The following GALNT18 variants were observed in gnomAD, a reference collection of about 807,000 sequenced individuals.
The protein encoded by GALNT18 is GalNAc-transferase 18.
A neutral mutation model predicts 69.5 loss-of-function variants in GALNT18; 44 were observed. That is an observed-to-expected ratio of 0.63 (90% CI 0.50 to 0.81). GALNT18 has a LOEUF of 0.81. Ranked by LOEUF, GALNT18 falls within the 40% of genes least tolerant of loss-of-function variation. The pLI is 0.00. For missense variants in GALNT18, 715 were observed against 810.0 expected (o/e 0.88, Z 1.42); for synonymous variants, 364 against 318.2 (o/e 1.14, Z -1.53).
chr11:11,288,638 G>A (rs11021755), intron 10 of GALNT18, among the ~76,000 whole-genome samples: 5,309 of 152,228 alleles, frequency 0.035, 321 homozygotes, highest in East Asian at 0.2. Context: ...GTTCATCATT[G>A]GAAAATTGCT....
intron 1 of GALNT18, among the ~76,000 whole-genome samples, chr11:11,537,661 C>T (rs1244078421): frequency 1.3e-5 from 2 of 152,166 alleles, no homozygotes; most frequent in African/African-American, 2.4e-5. Flanking sequence ...TCCCAAAACC[C>T]AGTCCTTGGA....
intron 1 of GALNT18, among the ~76,000 whole-genome samples, chr11:11,539,240 C>G (rs1399770190): frequency 6.6e-6 from 1 of 152,194 alleles, no homozygotes; most frequent in Non-Finnish European, 1.5e-5. Flanking sequence ...GCACCCACAC[C>G]TCTGCTGCCC....
intron 1 of GALNT18, among the ~76,000 whole-genome samples, chr11:11,483,143 G>A (rs1406934077): frequency 6.7e-6 from 1 of 149,998 alleles, no homozygotes; most frequent in Non-Finnish European, 1.5e-5. Context: ...GATGCCCACT[G>A]CTGTGCCTAA....
At chr11:11,349,293 G>A (rs1368379621) in intron 6 of GALNT18, among the ~76,000 whole-genome samples, 2 of 152,146 alleles carry the variant, frequency 1.3e-5, no homozygotes, top group African/African-American at 2.4e-5. Flanking sequence ...AGAGTGGGCA[G>A]GCCTCCATGT....
In GALNT18 at chr11:11,586,925, G is replaced by T. The variant is rs1329024255; in HGVS notation, c.235+34434C>A. On this transcript the variant is annotated intron_variant, in intron 1 of 10. Transcript: ENST00000227756. The surrounding 1 kb of genome is among the most constrained non-coding windows in gnomAD (Gnocchi z 4.1). ...ATCACTTGAACCCAGGAGGCGGAGG[G>T]TGCAGTGAGCCGAGATCGTGTCAAA... Among the ~76,000 whole-genome samples the T allele has an allele frequency of 1.3e-5, 2 of 152,038 alleles. No individual in the cohort carries two copies. Among genetic ancestry groups the T allele is most frequent in the Non-Finnish European group, 2.9e-5 (2 of 68,004 alleles).
At chr11:11,487,379 C>A (rs758744603) in intron 1 of GALNT18, among the ~76,000 whole-genome samples, 27 of 151,922 alleles carry the variant, frequency 1.8e-4, no homozygotes, top group Non-Finnish European at 3.5e-4. Context: ...CTCATGTAAC[C>A]AAATACCACC....
intron 2 of GALNT18, among the ~76,000 whole-genome samples, chr11:11,437,727 G>A (rs1293386163): frequency 1.5e-5 from 2 of 129,366 alleles, no homozygotes; most frequent in Non-Finnish European, 3.2e-5. Flanking sequence ...GTCTATCAGA[G>A]TGAATTGTTC....
intron 10 of GALNT18, among the ~76,000 whole-genome samples, chr11:11,291,979 G>A (rs2096688943): frequency 6.6e-6 from 1 of 152,122 alleles, no homozygotes; most frequent in Non-Finnish European, 1.5e-5. Flanking sequence ...TGCCAGGATT[G>A]GAATCAAGGT....
At chr11:11,371,060 C>T (rs965464939) in intron 6 of GALNT18, among the ~76,000 whole-genome samples, 23 of 152,302 alleles carry the variant, frequency 1.5e-4, no homozygotes, top group East Asian at 1.2e-3. Flanking sequence ...AATAAGCCCA[C>T]GCATTTTGAC....
intron 3 of GALNT18, among the ~76,000 whole-genome samples, chr11:11,403,857 A>C (rs1854524477): frequency 6.6e-6 from 1 of 152,212 alleles, no homozygotes; most frequent in South Asian, 2.1e-4. Context: ...GCTGCAGAAG[A>C]GGGTGAGGTT....
chr11:11,615,655 CT>C (rs1011471352), intron 1 of GALNT18, among the ~76,000 whole-genome samples: 11 of 151,238 alleles, frequency 7.3e-5, no homozygotes, highest in African/African-American at 9.7e-5. Context: ...TTATTTTCAA[CT>C]TTTTTTTTAA....
At chr11:11,360,566 T>C (rs555125777) in intron 6 of GALNT18, among the ~76,000 whole-genome samples, 118 of 152,332 alleles carry the variant, frequency 7.7e-4, no homozygotes, top group African/African-American at 2.6e-3. Flanking sequence ...TTAACACTTT[T>C]TTGCATTGAT....
At chr11:11,334,935 C>A (rs908171365) in intron 7 of GALNT18, among the ~76,000 whole-genome samples, 1 of 152,198 alleles carries the variant, frequency 6.6e-6, no homozygotes, top group Non-Finnish European at 1.5e-5. Context: ...CCTTCCACTC[C>A]GACCCTAAAG....
intron 9 of GALNT18, among the ~76,000 whole-genome samples, chr11:11,322,604 C>T (rs927483754): frequency 1.3e-5 from 2 of 152,216 alleles, no homozygotes; most frequent in Non-Finnish European, 2.9e-5. Flanking sequence ...TAGTACTATA[C>T]ACCCACTACA....
In GALNT18 at chr11:11,523,718, C is replaced by CA. The variant is rs67821526; in HGVS notation, c.236-74783dup. 4.8e-3 allele frequency among the ~76,000 whole-genome samples: 593 copies of CA among 123,260 alleles called. 5 individuals carry two copies. Among genetic ancestry groups the CA allele is most frequent in the Middle Eastern group, 0.014 (3 of 222 alleles). 80.9% of individuals were successfully genotyped at this position (123,260 alleles called of 152,430 possible). On this transcript the variant is annotated intron_variant, in intron 1 of 10. Coordinates refer to ENST00000227756, the MANE Select transcript of GALNT18 (RefSeq NM_198516.3). This position sits in a 1 kb window ranked among gnomAD's most constrained non-coding sequence, Gnocchi z 4.3. ...TGGGCAACAGAGCGAGACTCCATCT[C>CA]AAAAAAAAAAAAAAATATCGTACAC...
intron 3 of GALNT18, among the ~76,000 whole-genome samples, chr11:11,416,333 C>T (rs1017518018): frequency 3.9e-5 from 6 of 152,156 alleles, no homozygotes; most frequent in Non-Finnish European, 7.3e-5. Flanking sequence ...ATGGAGAACC[C>T]GCTCTGCACC....
At chr11:11,438,857 A>G (rs550500230) in intron 2 of GALNT18, among the ~76,000 whole-genome samples, 1 of 152,310 alleles carries the variant, frequency 6.6e-6, no homozygotes, top group South Asian at 2.1e-4. Flanking sequence ...GAGTCTTTGA[A>G]GCCCAACATG....
intron 1 of GALNT18, among the ~76,000 whole-genome samples, chr11:11,609,044 A>G (rs1215412697): frequency 6.6e-6 from 1 of 152,196 alleles, no homozygotes; most frequent in African/African-American, 2.4e-5. Flanking sequence ...CAGCCCAATT[A>G]TGAGCTCTTC....
chr11:11,380,083 CCT>C (rs1468916180), intron 3 of GALNT18, among the ~76,000 whole-genome samples: 2 of 152,180 alleles, frequency 1.3e-5, no homozygotes, highest in Admixed American at 6.5e-5. Flanking sequence ...GTGTGAATTC[CCT>C]CTGTCTGCCC....
Sources: allele counts gnomAD v4.1 joint callset (sites outside exome capture counted in the v4.1 genomes callset), GRCh38; gene constraint gnomAD v4.1.1; non-coding constraint Gnocchi (gnomAD v3.1); transcripts MANE v1.5; gene names NCBI Gene and HGNC (gene_info 2026-07-23, HGNC 2026-07-21).